STXBP6: variants seen among roughly 807,000 people sequenced by gnomAD.
The protein encoded by STXBP6 is syntaxin binding protein 6.
STXBP6 carries 21 observed loss-of-function variants against 26.9 expected under a neutral mutation model. The ratio of observed to expected loss-of-function variants is 0.78; its 90% CI spans 0.55 to 1.12. The LOEUF (loss-of-function observed/expected upper bound fraction) is 1.12. STXBP6 is among the 50% of genes most tolerant of loss of function. The pLI, the probability that STXBP6 is intolerant of heterozygous loss-of-function variation, is 0.00. For synonymous variants in STXBP6, 97 were observed against 92.6 expected (o/e 1.05, Z -0.27); for missense variants, 232 against 257.9 (o/e 0.90, Z 0.69).
chr14:24,843,333 C>A (rs1372174538), intron 4 of STXBP6, among the ~76,000 whole-genome samples: 1 of 152,142 alleles, frequency 6.6e-6, no homozygotes, highest in African/African-American at 2.4e-5. Context: ...GACTGTACTT[C>A]TACTGTATCT....
At chr14:24,879,073 A>C (rs192129314) in intron 2 of STXBP6, among the ~76,000 whole-genome samples, 1 of 152,338 alleles carries the variant, frequency 6.6e-6, no homozygotes, top group Non-Finnish European at 1.5e-5. Flanking sequence ...AACAAAAAAC[A>C]AATGGTCAGG....
At chr14:24,831,304 T>C (rs7143576) in intron 4 of STXBP6, among the ~76,000 whole-genome samples, 104 of 152,046 alleles carry the variant, frequency 6.8e-4, no homozygotes, top group Non-Finnish European at 1.3e-3. Flanking sequence ...GTAATTATCA[T>C]TTTAAGTGTC....
At chr14:24,970,376 C>G (rs1162621181) in intron 2 of STXBP6, among the ~76,000 whole-genome samples, 1 of 152,156 alleles carries the variant, frequency 6.6e-6, no homozygotes, top group Non-Finnish European at 1.5e-5. Flanking sequence ...AACAGAACAC[C>G]TAACATCACT....
intron 4 of STXBP6, among the ~76,000 whole-genome samples, chr14:24,852,782 C>T (rs2069197616): frequency 6.6e-6 from 1 of 152,090 alleles, no homozygotes; most frequent in African/African-American, 2.4e-5. Context: ...CTAAAATATT[C>T]CCAGCAATTC....
rs535989030 is a variant in STXBP6, at chr14:25,035,612, G to A, written c.-33+14266C>T. On this transcript the variant is annotated intron_variant, in intron 1 of 5. Transcript: ENST00000323944. ...TTAGTGACACCTGGAATTCTTTACA[G>A]GAATTAAATGTGGCATAAAAATGAA... is the stretch of plus-strand genomic sequence containing the variant. Among the ~76,000 whole-genome samples, 6 of 152,188 alleles carry A rather than the reference G, an allele frequency of 3.9e-5. No individual in the cohort carries two copies. The East Asian group carries it at 1.2e-3, about 29-fold the overall frequency.
intron 4 of STXBP6, among the ~76,000 whole-genome samples, chr14:24,841,725 T>G: frequency 6.6e-6 from 1 of 152,212 alleles, no homozygotes; most frequent in East Asian, 1.9e-4. Context: ...AGAGACTACA[T>G]TTTTCATTTC....
At chr14:24,938,483 CT>C (rs1221456296) in intron 2 of STXBP6, among the ~76,000 whole-genome samples, 1 of 151,882 alleles carries the variant, frequency 6.6e-6, no homozygotes, top group East Asian at 1.9e-4. Context: ...GACACTGCCC[CT>C]ATAATAATTT....
intron 1 of STXBP6, among the ~76,000 whole-genome samples, chr14:24,975,146 C>T (rs1478931914): frequency 6.6e-6 from 1 of 152,138 alleles, no homozygotes; most frequent in Non-Finnish European, 1.5e-5. Flanking sequence ...ACCCCAACTG[C>T]ACCTCCCTCT....
intron 5 of STXBP6, among the ~76,000 whole-genome samples, chr14:24,813,543 G>A (rs1044496205): frequency 2.6e-5 from 4 of 152,208 alleles, no homozygotes; most frequent in Non-Finnish European, 4.4e-5. Context: ...AACTCTCCAT[G>A]TATCCAGAGT....
chr14:24,960,997 A>C (rs908474029), intron 2 of STXBP6, among the ~76,000 whole-genome samples: 5 of 152,134 alleles, frequency 3.3e-5, no homozygotes, highest in Non-Finnish European at 5.9e-5. Context: ...AAAGCATCCA[A>C]TTTCTGCAGG....
At chr14:24,976,672 G>A (rs1041540583) in intron 1 of STXBP6, among the ~76,000 whole-genome samples, 1 of 151,978 alleles carries the variant, frequency 6.6e-6, no homozygotes, top group Non-Finnish European at 1.5e-5. Flanking sequence ...ATTTATCAGG[G>A]ACTTTTATTT....
intron 1 of STXBP6, among the ~76,000 whole-genome samples, chr14:25,047,417 G>T (rs1391462410): frequency 6.6e-6 from 1 of 152,174 alleles, no homozygotes; most frequent in Admixed American, 6.5e-5. Flanking sequence ...CACCCCCAAA[G>T]AAACCTTGTC....
At chr14:25,016,845 G>A (rs775313104) in intron 1 of STXBP6, among the ~76,000 whole-genome samples, 2 of 152,072 alleles carry the variant, frequency 1.3e-5, no homozygotes, top group Non-Finnish European at 2.9e-5. Flanking sequence ...ACAATACTTC[G>A]GGCTCTAATT....
At chr14:25,008,456 C>G (rs1238721902) in intron 1 of STXBP6, among the ~76,000 whole-genome samples, 1 of 152,132 alleles carries the variant, frequency 6.6e-6, no homozygotes, top group African/African-American at 2.4e-5. Flanking sequence ...TGCACTCCAG[C>G]CTGGGAGATA....
intron 1 of STXBP6, among the ~76,000 whole-genome samples, chr14:25,031,679 A>G (rs946697940): frequency 2.0e-5 from 3 of 152,160 alleles, no homozygotes; most frequent in Non-Finnish European, 4.4e-5. Flanking sequence ...AGTGGTAATA[A>G]ATATTTTTGA....
At chr14:24,864,762 A>G (rs143903547) in intron 2 of STXBP6, among the ~76,000 whole-genome samples, 247 of 152,338 alleles carry the variant, frequency 1.6e-3, no homozygotes, top group African/African-American at 5.7e-3. Flanking sequence ...GCTGTCAAAT[A>G]TAATTACCGC....
intron 1 of STXBP6, among the ~76,000 whole-genome samples, chr14:24,999,560 T>G (rs1415889332): frequency 3.3e-5 from 5 of 152,128 alleles, no homozygotes; most frequent in African/African-American, 9.7e-5. Flanking sequence ...GCGTATTATG[T>G]GACATTAGCA....
chr14:24,847,935 T>C (rs891612578), intron 4 of STXBP6, among the ~76,000 whole-genome samples: 7 of 152,160 alleles, frequency 4.6e-5, no homozygotes, highest in African/African-American at 1.2e-4. Context: ...CTATAAAGCA[T>C]AGCAAACAAC....
chr14:24,957,438 T>C lies in STXBP6; in HGVS notation c.154+17227A>G, dbSNP rs533687073. Reference sequence around the variant, plus strand: ...CAAGCTCCTGGGACTAGAAACTCTCTTCTGCCCGCTGATAGAACTTTGATT... The same window carrying C: ...CAAGCTCCTGGGACTAGAAACTCTCCTCTGCCCGCTGATAGAACTTTGATT... On this transcript the variant is annotated intron_variant, in intron 2 of 5. Transcript: ENST00000323944. 2.0e-5 allele frequency among the ~76,000 whole-genome samples: 3 copies of C among 152,246 alleles called. No individual in the cohort carries two copies. In the South Asian group the frequency reaches 6.2e-4, roughly 32 times the overall value.
Sources: allele counts gnomAD v4.1 joint callset (sites outside exome capture counted in the v4.1 genomes callset), GRCh38; gene constraint gnomAD v4.1.1; transcripts MANE v1.5; gene names NCBI Gene and HGNC (gene_info 2026-07-23, HGNC 2026-07-21).